Variants in CASZ1 observed in about 807,000 individuals in gnomAD.
CASZ1 encodes castor zinc finger 1.
Under a neutral mutation model 135.2 loss-of-function variants are expected in CASZ1, and 28 were observed. The observed-to-expected ratio is 0.21, with a 90% confidence interval of 0.15 to 0.28. The LOEUF is 0.28. Among genes scored for constraint, CASZ1 ranks in the 10% least tolerant of loss-of-function variants. The pLI, the probability that CASZ1 is intolerant of heterozygous loss-of-function variation, is 1.00. For synonymous variants in CASZ1, 1,068 were observed against 1,073.4 expected, an observed-to-expected ratio of 0.99 and a Z score of 0.10; for missense variants, 2,161 against 2,453.3, an observed-to-expected ratio of 0.88 and a Z score of 2.52.
Position 10,658,684 on chromosome 1 carries a change from G to T in CASZ1, c.1341-108C>A. The stretch of plus-strand genomic sequence containing the variant: ...CCTGAGGCCCCAGCCCCTCTGCTCT[G>T]CTCTGCAGTGTCCGAGGCACCCACG... On this transcript the variant is annotated intron_variant, in intron 6 of 20. Transcript: ENST00000377022. 2.1e-6 allele frequency: 2 copies of T among 965,246 alleles called. 1 individual carries two copies. The highest frequency in any genetic ancestry group is 3.2e-5 in the African/African-American group (2 of 62,374). The allele number at this position is 965,246 out of a possible 1,614,324, so 59.8% of individuals were successfully genotyped here. A position where few individuals can be genotyped will look rare whatever the true frequency, so the allele number is the denominator to read the frequency against.
chr1:10,792,594 ATC>A (rs1289425365), intron 1 of CASZ1, among the ~76,000 whole-genome samples: 1 of 151,890 alleles, frequency 6.6e-6, no homozygotes, highest in African/African-American at 2.4e-5. Context: ...CGTGATAAAT[ATC>A]TGAGTCAGAG....
At chr1:10,738,253 C>T (rs936637380) in intron 2 of CASZ1, among the ~76,000 whole-genome samples, 2 of 152,208 alleles carry the variant, frequency 1.3e-5, no homozygotes, top group Non-Finnish European at 2.9e-5. Context: ...GGAACAGGGC[C>T]GCCTGGGCCT....
At chr1:10,740,787 C>CA (rs1167521278) in intron 2 of CASZ1, among the ~76,000 whole-genome samples, 8 of 151,614 alleles carry the variant, frequency 5.3e-5, no homozygotes, top group Middle Eastern at 3.4e-3. Flanking sequence ...TGTGTCTCCA[C>CA]AAAAAAAATT....
At chr1:10,689,537 G>C (rs1638701469) in intron 4 of CASZ1, among the ~76,000 whole-genome samples, 1 of 152,128 alleles carries the variant, frequency 6.6e-6, no homozygotes, top group African/African-American at 2.4e-5. Context: ...AGGGAAAAAG[G>C]GCCAGGGGTG....
Position 10,643,142 on chromosome 1 carries a change from C to T in CASZ1, c.4020+18G>A, listed in dbSNP as rs751843761. On this transcript the variant is annotated intron_variant, in intron 19 of 20. Transcript: ENST00000377022. ...TCCCGCCACCCTGGCTGGGCTCTCA[C>T]CTGGGGGGGGCTCTCACCTGGGAGG... 1.2e-5 allele frequency: 19 copies of T among 1,605,374 alleles called. No individual in the cohort carries two copies. The highest frequency in any genetic ancestry group is 1.5e-5 in the Non-Finnish European group (18 of 1,177,012).
rs774021012 is a variant in CASZ1, at chr1:10,654,037, C to A, written c.2020G>T (p.Gly674Cys). The change falls in exon 11 of 21, where the codon GGC becomes TGC. Residue 674 changes from glycine to cysteine, a missense_variant. Gly to Cys is a radical substitution (Grantham distance 159, BLOSUM62 -3). This residue lies in a region of CASZ1 where 248 missense variants were observed against 410.8 expected (regional missense o/e 0.60). Transcript: ENST00000377022. ...GTGGAGGTGAAGGTGAAGCCGCAGC[C>A]GGCGCGGATGCAGTGGAAGTGGTTG... is the stretch of plus-strand genomic sequence containing the variant. ...ATNHFHCIRA[G>C]CGFTFTSTSQ... 1 of 1,614,220 alleles carries A rather than the reference C, an allele frequency of 6.2e-7. No homozygotes were observed. The highest frequency in any genetic ancestry group is 1.7e-5 in the Admixed American group (1 of 60,024).
chr1:10,694,388 T>A lies in CASZ1; in HGVS notation c.-23-476A>T. 1 of 1,002,292 alleles carries A rather than the reference T, an allele frequency of 1.0e-6. No individual in the cohort carries two copies. The highest frequency in any genetic ancestry group is 1.3e-6 in the Non-Finnish European group (1 of 787,530). The allele number at this position is 1,002,292 out of a possible 1,614,324, so 62.1% of individuals were successfully genotyped here. On this transcript the variant is annotated intron_variant, in intron 3 of 20. Coordinates refer to ENST00000377022, the MANE Select transcript of CASZ1 (RefSeq NM_001079843.3). This position sits in a 1 kb window ranked among gnomAD's most constrained non-coding sequence, Gnocchi z 6.6. Reference sequence around the variant, plus strand: ...TAATTGCAACTGATTACTCCCCGAATAACAAGTTGTTTTAAAGCCCTGATG... The same window carrying A: ...TAATTGCAACTGATTACTCCCCGAAAAACAAGTTGTTTTAAAGCCCTGATG...
Position 10,647,772 on chromosome 1 carries a change from C to G in CASZ1, c.3497+29G>C, listed in dbSNP as rs780356189. 6.2e-7 allele frequency: 1 copy of G among 1,612,182 alleles called. No individual in the cohort carries two copies. The highest frequency in any genetic ancestry group is 8.5e-7 in the Non-Finnish European group (1 of 1,179,978). On this transcript the variant is annotated intron_variant, in intron 16 of 20. Coordinates refer to ENST00000377022, the MANE Select transcript of CASZ1 (RefSeq NM_001079843.3). This position sits in a 1 kb window ranked among gnomAD's most constrained non-coding sequence, Gnocchi z 4.9. Reference sequence around the variant, plus strand: ...CTACTCCCGAGACGCGAGGGGAACGCGGGACTCCCGGCTCATCGAGGGACT... The same window carrying G: ...CTACTCCCGAGACGCGAGGGGAACGGGGGACTCCCGGCTCATCGAGGGACT...
At chr1:10,664,614 C>CT (rs1643166474) in intron 5 of CASZ1, among the ~76,000 whole-genome samples, 1 of 152,078 alleles carries the variant, frequency 6.6e-6, no homozygotes, top group African/African-American at 2.4e-5. Flanking sequence ...TCCTGGGCTC[C>CT]TCCGAGAAAG....
At chr1:10,687,268 CA>C (rs1205982655) in intron 4 of CASZ1, among the ~76,000 whole-genome samples, 1 of 152,226 alleles carries the variant, frequency 6.6e-6, no homozygotes, top group Non-Finnish European at 1.5e-5. Flanking sequence ...GGAAACACAA[CA>C]TGTGTCCGTT....
rs1334861584 is a variant in CASZ1, at chr1:10,647,270, A to G, written c.3497+531T>C. 3 of 998,336 alleles carry G rather than the reference A, an allele frequency of 3.0e-6. No individual in the cohort carries two copies. Among genetic ancestry groups the G allele is most frequent in the Non-Finnish European group, 3.6e-6 (3 of 836,794 alleles). The allele number at this position is 998,336 out of a possible 1,614,324, so 61.8% of individuals were successfully genotyped here. On this transcript the variant is annotated intron_variant, in intron 16 of 20. Coordinates refer to ENST00000377022, the MANE Select transcript of CASZ1 (RefSeq NM_001079843.3). The surrounding 1 kb of genome is among the most constrained non-coding windows in gnomAD (Gnocchi z 4.9). ...CAGGAAGCCGCACACATGACAATACAAAGTCACCGTTCTCCCTGCAAGGAG... is the reference window on the plus strand; with the variant it reads ...CAGGAAGCCGCACACATGACAATACGAAGTCACCGTTCTCCCTGCAAGGAG...
chr1:10,782,775 C>T (rs1174726238), intron 1 of CASZ1, among the ~76,000 whole-genome samples: 1 of 151,572 alleles, frequency 6.6e-6, no homozygotes, highest in African/African-American at 2.4e-5. Context: ...GGGGAGGGGG[C>T]TGGGCCGTCC....
chr1:10,704,876 T>C (rs1639139756), intron 3 of CASZ1, among the ~76,000 whole-genome samples: 1 of 152,220 alleles, frequency 6.6e-6, no homozygotes, highest in Non-Finnish European at 1.5e-5. Flanking sequence ...CCGTGAAGGC[T>C]GGGCCAGGCT....
intron 1 of CASZ1, among the ~76,000 whole-genome samples, chr1:10,779,618 C>T (rs757695191): frequency 1.3e-5 from 2 of 152,216 alleles, no homozygotes; most frequent in Non-Finnish European, 2.9e-5. Flanking sequence ...ACCACCCTAA[C>T]GCTATAATTT....
At chr1:10,773,358 C>T (rs984778038) in intron 1 of CASZ1, among the ~76,000 whole-genome samples, 4 of 148,270 alleles carry the variant, frequency 2.7e-5, no homozygotes, top group Non-Finnish European at 5.9e-5. Context: ...CAGGTAGAGA[C>T]AGACGTGGGC....
At chr1:10,643,357 C>G (rs1219861022) in intron 18 of CASZ1, 46 bp from the exon 19 acceptor site, 8 of 1,601,332 alleles carry the variant, frequency 5.0e-6, no homozygotes, top group Non-Finnish European at 8.5e-7. Flanking sequence ...CTGGCCAGCG[C>G]TCATGGCTTC....
intron 2 of CASZ1, among the ~76,000 whole-genome samples, chr1:10,716,159 A>G (rs1408454186): frequency 8.5e-6 from 1 of 118,094 alleles, no homozygotes; most frequent in African/African-American, 3.3e-5. Context: ...CACCCAATCC[A>G]CAACCCACAG....
At chr1:10,778,853 G>C (rs1056131314) in intron 1 of CASZ1, among the ~76,000 whole-genome samples, 3 of 152,250 alleles carry the variant, frequency 2.0e-5, no homozygotes, top group Non-Finnish European at 4.4e-5. Context: ...GAACACCAGG[G>C]ACCCGCCTGG....
rs115199397 is a variant in CASZ1 at position 10,782,530 on chromosome 1, G to A, written c.-234+14034C>T. The stretch of plus-strand genomic sequence containing the variant: ...CACCGACTCCCCAGCTGCCAGGGAC[G>A]AGGTCCTGGGACTGAGCGGCAGGTC... On this transcript the variant is annotated intron_variant, in intron 1 of 20. Coordinates refer to ENST00000377022, the MANE Select transcript of CASZ1 (RefSeq NM_001079843.3). 2.9e-3 allele frequency among the ~76,000 whole-genome samples: 446 copies of A among 152,354 alleles called. 2 individuals carry two copies. The highest frequency in any genetic ancestry group is 0.01 in the African/African-American group (419 of 41,588).
Sources: allele counts gnomAD v4.1 joint callset (sites outside exome capture counted in the v4.1 genomes callset), GRCh38; gene constraint gnomAD v4.1.1; regional missense constraint gnomAD v4.1.1; non-coding constraint Gnocchi (gnomAD v3.1); transcripts MANE v1.5; gene names NCBI Gene and HGNC (gene_info 2026-07-23, HGNC 2026-07-21).